The following COL21A1 variants were observed in gnomAD, a reference collection of about 807,000 sequenced individuals.
COL21A1 encodes collagen type XXI alpha 1 chain, also known as collagen alpha-1(XXI) chain.
A neutral mutation model predicts 137.9 loss-of-function variants in COL21A1; 149 were observed. The observed-to-expected ratio is 1.08, with a 90% confidence interval of 0.95 to 1.24. The LOEUF (loss-of-function observed/expected upper bound fraction) is 1.24, where lower values mean the gene tolerates loss of function less well. Among genes scored for constraint, COL21A1 ranks in the 50% most tolerant of loss-of-function variants. The probability of loss-of-function intolerance (pLI) is 0.00; values close to 1 mark genes in which losing one functional copy is unlikely to be tolerated. For synonymous variants in COL21A1, 456 were observed against 391.5 expected (o/e 1.16, Z -1.95); for missense variants, 1,167 against 1,158.4 (o/e 1.01, Z -0.11).
intron 17 of COL21A1, among the ~76,000 whole-genome samples, chr6:56,083,790 C>T (rs1271223144): frequency 1.3e-5 from 2 of 151,914 alleles, no homozygotes; most frequent in Non-Finnish European, 2.9e-5. Context: ...TGCAAATGGA[C>T]TTACTATAAG....
At chr6:56,088,531 T>C (rs1562174453) in intron 17 of COL21A1, among the ~76,000 whole-genome samples, 1 of 152,128 alleles carries the variant, frequency 6.6e-6, no homozygotes, top group Non-Finnish European at 1.5e-5. Context: ...CAGCAACAGT[T>C]TCACAAATTT....
chr6:56,180,865 C>T (rs1252941688), intron 2 of COL21A1, among the ~76,000 whole-genome samples: 1 of 152,142 alleles, frequency 6.6e-6, no homozygotes, highest in African/African-American at 2.4e-5. Context: ...TTAGCCATTC[C>T]AAACTATTGG....
intron 1 of COL21A1, among the ~76,000 whole-genome samples, chr6:56,185,715 G>C (rs1041875866): frequency 3.9e-5 from 6 of 152,010 alleles, no homozygotes; most frequent in Non-Finnish European, 2.9e-5. Context: ...GATTACAGGC[G>C]TGAGCCACCG....
At chr6:56,143,880 C>G (rs1342825849) in intron 10 of COL21A1, among the ~76,000 whole-genome samples, 1 of 152,126 alleles carries the variant, frequency 6.6e-6, no homozygotes, top group Non-Finnish European at 1.5e-5. Flanking sequence ...GTCATCAACT[C>G]TATACATGAA....
chr6:56,295,525 A>G (rs1302132604), intron 1 of COL21A1, among the ~76,000 whole-genome samples: 2 of 151,984 alleles, frequency 1.3e-5, no homozygotes, highest in Non-Finnish European at 2.9e-5. Flanking sequence ...CCATAGATGA[A>G]GTTAGGAGGA....
chr6:56,117,743 GATAAT>G (rs2152200862), intron 16 of COL21A1, among the ~76,000 whole-genome samples: 1 of 151,922 alleles, frequency 6.6e-6, no homozygotes, highest in Non-Finnish European at 1.5e-5. Flanking sequence ...CTTCTCTGAC[GATAAT>G]ATAATAAAGC....
At chr6:56,067,375 G>T (rs370882406) in intron 22 of COL21A1, 45 bp from the exon 23 acceptor site, 525 of 1,525,110 alleles carry the variant, frequency 3.4e-4, no homozygotes, top group Non-Finnish European at 4.6e-4. Flanking sequence ...AGCATATTCT[G>T]TACAGTTTCA....
Position 56,179,877 on chromosome 6 carries a change from G to C in COL21A1, c.341C>G (p.Thr114Arg), listed in dbSNP as rs766298636. The C allele has an allele frequency of 6.2e-7, 1 of 1,613,936 alleles. No homozygotes were observed. The highest frequency in any genetic ancestry group is 8.5e-7 in the Non-Finnish European group (1 of 1,179,876). Residue 114 changes from threonine to arginine, a missense_variant, in exon 3 of 30, where the codon ACA (threonine) becomes AGA (arginine). Coordinates refer to ENST00000244728, the MANE Select transcript of COL21A1 (RefSeq NM_030820.4). ...AAACTGGATGGCCTTCCCTGTCTTTGTGTTTCCTCCTAAGTAGAGTATGGA... is the reference window on the plus strand; with the variant it reads ...AAACTGGATGGCCTTCCCTGTCTTTCTGTTTCCTCCTAAGTAGAGTATGGA... The part of the protein sequence containing the change: ...VESILYLGGN[T>R]KTGKAIQFAL...
intron 1 of COL21A1, among the ~76,000 whole-genome samples, chr6:56,366,957 C>A (rs868070389): frequency 3.8e-4 from 58 of 152,280 alleles, no homozygotes; most frequent in African/African-American, 1.3e-3. Flanking sequence ...TCCGTCTAAA[C>A]CTTACCTCAA....
intron 24 of COL21A1, 21 bp downstream of exon 24, chr6:56,064,557 C>T: frequency 6.4e-7 from 1 of 1,552,878 alleles, no homozygotes; most frequent in Non-Finnish European, 8.8e-7. Flanking sequence ...CATTTTTTAT[C>T]AGAAGAAAAC....
chr6:56,159,087 C>A lies in COL21A1; in HGVS notation c.1372-2138G>T, dbSNP rs559434444. ...ATCCATGTGCTGATTGGACTTGCTGCCTTTCAAGAAATTCCATGTTTTTCT... is the reference window on the plus strand; with the variant it reads ...ATCCATGTGCTGATTGGACTTGCTGACTTTCAAGAAATTCCATGTTTTTCT... On this transcript the variant is annotated intron_variant, in intron 9 of 29. Transcript: ENST00000244728. Among the ~76,000 whole-genome samples the A allele has an allele frequency of 5.3e-5, 8 of 152,156 alleles. No individual in the cohort carries two copies. The South Asian group carries it at 1.7e-3, about 32-fold the overall frequency.
chr6:56,217,407 A>G (rs1294889845), intron 1 of COL21A1, among the ~76,000 whole-genome samples: 1 of 152,038 alleles, frequency 6.6e-6, no homozygotes, highest in Non-Finnish European at 1.5e-5. Context: ...TCAACCATGA[A>G]TTTTCTCAGA....
At chr6:56,356,188 T>G (rs564218759) in intron 1 of COL21A1, among the ~76,000 whole-genome samples, 1 of 152,292 alleles carries the variant, frequency 6.6e-6, no homozygotes, top group South Asian at 2.1e-4. Context: ...GAGCATAGGA[T>G]GCCAGGCAGC....
At chr6:56,089,450 T>C (rs187739077) in intron 17 of COL21A1, among the ~76,000 whole-genome samples, 12 of 152,302 alleles carry the variant, frequency 7.9e-5, no homozygotes, top group Admixed American at 7.2e-4. Flanking sequence ...TAACTTTTTA[T>C]TTTAAAAAAA....
At chr6:56,272,802 G>T (rs1426785771) in intron 1 of COL21A1, among the ~76,000 whole-genome samples, 2 of 152,090 alleles carry the variant, frequency 1.3e-5, no homozygotes, top group Non-Finnish European at 2.9e-5. Flanking sequence ...TGTGATGAAG[G>T]TACTTGCTTC....
chr6:56,123,320 A>G (rs1253260691), intron 16 of COL21A1, among the ~76,000 whole-genome samples: 4 of 152,188 alleles, frequency 2.6e-5, no homozygotes, highest in African/African-American at 9.7e-5. Flanking sequence ...CTCAAAGTAT[A>G]CTCTTCGAAG....
intron 1 of COL21A1, among the ~76,000 whole-genome samples, chr6:56,292,368 T>C (rs1308915823): frequency 6.7e-6 from 1 of 150,362 alleles, no homozygotes; most frequent in Non-Finnish European, 1.5e-5. Flanking sequence ...ATATATGGTG[T>C]AATTAATATC....
At chr6:56,339,339 T>C (rs1765413453) in intron 1 of COL21A1, among the ~76,000 whole-genome samples, 1 of 148,704 alleles carries the variant, frequency 6.7e-6, no homozygotes, top group Admixed American at 6.9e-5. Flanking sequence ...ATAAATTTTA[T>C]TACTGCGTTT....
At position 56,076,235 on chromosome 6, in the gene COL21A1, G is replaced by A. The variant is rs116114462; in HGVS notation, c.1858-703C>T. 1.8e-3 allele frequency among the ~76,000 whole-genome samples: 271 copies of A among 151,496 alleles called. 6 individuals are homozygous for A. Among genetic ancestry groups the A allele is most frequent in the South Asian group, 0.016 (76 of 4,806 alleles). On this transcript the variant is annotated intron_variant, in intron 18 of 29. Coordinates refer to ENST00000244728, the MANE Select transcript of COL21A1 (RefSeq NM_030820.4). Reference sequence around the variant, plus strand: ...AATCTTCAATACCTATGATGACTCAGCACTTTCAAATGGGGCTGAAATGGT... The same window carrying A: ...AATCTTCAATACCTATGATGACTCAACACTTTCAAATGGGGCTGAAATGGT...
Sources: gnomAD v4.1 joint callset for allele counts (sites outside exome capture counted in the v4.1 genomes callset) on GRCh38, gnomAD v4.1.1 for gene constraint, MANE v1.5 for transcripts, NCBI Gene and HGNC (gene_info 2026-07-23, HGNC 2026-07-21) for gene names.